Variants in TAX1BP1 observed in about 807,000 individuals in gnomAD.
TAX1BP1 encodes the protein tax1-binding protein 1.
A neutral mutation model predicts 97.7 loss-of-function variants in TAX1BP1; 62 were observed. That is an observed-to-expected ratio of 0.63 (90% CI 0.52 to 0.78). The LOEUF is 0.78. TAX1BP1 is among the 30% of genes least tolerant of loss of function. The pLI is 0.00. For missense variants in TAX1BP1, 867 were observed against 916.1 expected (o/e 0.95, Z 0.69); for synonymous variants, 340 against 304.2 (o/e 1.12, Z -1.23).
chr7:27,803,644 T>C (rs1790226132), intron 13 of TAX1BP1, among the ~76,000 whole-genome samples: 2 of 152,210 alleles, frequency 1.3e-5, no homozygotes, highest in African/African-American at 4.8e-5. Context: ...ACTGCATTAG[T>C]AGTTATTGTA....
intron 13 of TAX1BP1, chr7:27,803,184 T>C (rs1790204001): frequency 3.3e-6 from 5 of 1,533,144 alleles, no homozygotes; most frequent in East Asian, 2.5e-5. Flanking sequence ...GGAGAAGGTA[T>C]TGAGCAATGT....
chr7:27,820,360 G>T (rs1387489477), intron 15 of TAX1BP1, among the ~76,000 whole-genome samples: 1 of 152,034 alleles, frequency 6.6e-6, no homozygotes, highest in Non-Finnish European at 1.5e-5. Flanking sequence ...TTTTTCTGGT[G>T]AGTTCTAGCT....
chr7:27,741,490 C>T (rs1050333048), intron 1 of TAX1BP1, among the ~76,000 whole-genome samples: 6 of 151,428 alleles, frequency 4.0e-5, no homozygotes, highest in Admixed American at 1.3e-4. Flanking sequence ...GTTTTCTAGT[C>T]ATCACGTTCT....
chr7:27,748,618 C>CT lies in TAX1BP1; in HGVS notation c.95dup (p.Glu33GlyfsTer30). ...CAAGAGTTACCTTCCTAATGCACACCTGGAATGTCATTACACCTTAACTCC... is the reference window on the plus strand; with the variant it reads ...CAAGAGTTACCTTCCTAATGCACACCTTGGAATGTCATTACACCTTAACTCC... On this transcript the variant is annotated frameshift_variant, in exon 2 of 17. Coordinates refer to ENST00000396319, the MANE Select transcript of TAX1BP1 (RefSeq NM_006024.7). LOFTEE classifies it high-confidence loss of function. 1 of 1,603,672 alleles carries CT rather than the reference C, an allele frequency of 6.2e-7. No homozygotes were observed. The highest frequency in any genetic ancestry group is 8.5e-7 in the Non-Finnish European group (1 of 1,174,156).
At chr7:27,742,931 C>G (rs555668818) in intron 1 of TAX1BP1, among the ~76,000 whole-genome samples, 1 of 152,260 alleles carries the variant, frequency 6.6e-6, no homozygotes, top group South Asian at 2.1e-4. Flanking sequence ...TAATGATGCT[C>G]CTTGTATACT....
At chr7:27,755,508 G>A (rs981084830) in intron 2 of TAX1BP1, among the ~76,000 whole-genome samples, 3 of 151,992 alleles carry the variant, frequency 2.0e-5, no homozygotes, top group Admixed American at 2.0e-4. Flanking sequence ...AGGTAACTTT[G>A]ATGTTATTCT....
Position 27,765,953 on chromosome 7 carries a change from C to G in TAX1BP1, c.385C>G (p.Leu129Val). 1.2e-6 allele frequency: 2 copies of G among 1,614,156 alleles called. No individual in the cohort carries two copies. Among genetic ancestry groups the G allele is most frequent in the Non-Finnish European group, 1.7e-6 (2 of 1,180,020 alleles). The change falls in exon 4 of 17, where the codon CTG becomes GTG. Residue 129 changes from leucine (L) to valine (V), a missense_variant. Leu to Val is a conservative substitution (Grantham distance 32). This residue lies in a region of TAX1BP1 where 822 missense variants were observed against 851.4 expected (regional missense o/e 0.97). Coordinates refer to ENST00000396319, the MANE Select transcript of TAX1BP1 (RefSeq NM_006024.7). The stretch of plus-strand genomic sequence containing the variant: ...TCGAGCTTCTTCTCCAGTTGAAGAG[C>G]TGCTTACTATGGAAGATGAAGGAAA... ...QFRASSPVEE[L>V]LTMEDEGNSD...
chr7:27,750,452 A>G (rs935824694), intron 2 of TAX1BP1, among the ~76,000 whole-genome samples: 6 of 152,206 alleles, frequency 3.9e-5, no homozygotes, highest in Non-Finnish European at 8.8e-5. Context: ...CATTTCGGAT[A>G]AGGGATACTG....
intron 3 of TAX1BP1, 59 bp downstream of exon 3, chr7:27,758,192 G>A: frequency 7.6e-7 from 1 of 1,312,322 alleles, no homozygotes; most frequent in Non-Finnish European, 1.1e-6. Context: ...CATTAAAGAT[G>A]TTGTACTCCA....
rs758392114 is a variant in TAX1BP1, at chr7:27,792,032, A to G, written c.1065A>G (p.Gln355=). Residue 355 remains glutamine, a synonymous_variant, in exon 9 of 17, where the codon CAA becomes CAG. Coordinates refer to ENST00000396319, the MANE Select transcript of TAX1BP1 (RefSeq NM_006024.7). Reference sequence around the variant, plus strand: ...AAGATACTTGTTTTTTAAAGGAGCAACTTCGTAAAGCAGAGGAACAGGTTC... The same window carrying G: ...AAGATACTTGTTTTTTAAAGGAGCAGCTTCGTAAAGCAGAGGAACAGGTTC... ...SKEDTCFLKE[Q]LRKAEEQVQA... is the part of the protein sequence containing the mutation. 6.2e-7 allele frequency: 1 copy of G among 1,614,102 alleles called. No homozygotes were observed. Among genetic ancestry groups the G allele is most frequent in the Non-Finnish European group, 8.5e-7 (1 of 1,180,020 alleles).
At chr7:27,825,297 T>C (rs1244681471) in intron 15 of TAX1BP1, among the ~76,000 whole-genome samples, 1 of 152,060 alleles carries the variant, frequency 6.6e-6, no homozygotes, top group African/African-American at 2.4e-5. Flanking sequence ...AATTAAAGTA[T>C]TTTTAATCTA....
intron 1 of TAX1BP1, among the ~76,000 whole-genome samples, chr7:27,744,370 C>T (rs1033129521): frequency 6.6e-6 from 1 of 152,178 alleles, no homozygotes; most frequent in Admixed American, 6.5e-5. Flanking sequence ...CGTGATCCGC[C>T]CGCCTCGGCC....
Position 27,785,259 on chromosome 7 carries a change from G to A in TAX1BP1, c.709G>A (p.Asp237Asn), listed in dbSNP as rs756438020. The A allele has an allele frequency of 6.2e-7, 1 of 1,613,370 alleles. No individual in the cohort carries two copies. Among genetic ancestry groups the A allele is most frequent in the East Asian group, 2.2e-5 (1 of 44,790 alleles). Residue 237 changes from aspartate (D) to asparagine (N), a missense_variant, in exon 6 of 17, where the codon GAT becomes AAT. By Grantham distance (23) the Asp-to-Asn change is conservative. Transcript: ENST00000396319. ...ATCCAAAGCCCATCAGCTTGAGGAA[G>A]ATATTGTGTCAGTAACACATAAAGC... ...ATSKAHQLEE[D>N]IVSVTHKAIE...
chr7:27,773,792 G>C (rs1788931647), intron 5 of TAX1BP1, among the ~76,000 whole-genome samples: 2 of 152,044 alleles, frequency 1.3e-5, no homozygotes, highest in African/African-American at 4.8e-5. Flanking sequence ...AATTGAAAGA[G>C]TTAAAACTGA....
intron 5 of TAX1BP1, among the ~76,000 whole-genome samples, chr7:27,774,321 T>G (rs1316048146): frequency 1.3e-5 from 2 of 152,272 alleles, no homozygotes; most frequent in East Asian, 1.9e-4. Context: ...TTTATTCTCA[T>G]TGAAATAAGG....
chr7:27,778,152 TG>T (rs1436378735), intron 5 of TAX1BP1, among the ~76,000 whole-genome samples: 9 of 152,222 alleles, frequency 5.9e-5, no homozygotes, highest in South Asian at 4.1e-4. Flanking sequence ...TCAAAGTAGC[TG>T]GTTCAGAAAC....
intron 13 of TAX1BP1, chr7:27,803,196 GT>G (rs1328364019): frequency 5.3e-6 from 8 of 1,515,986 alleles, no homozygotes; most frequent in Non-Finnish European, 7.1e-6. Context: ...GAGCAATGTA[GT>G]TAAACAAATG....
intron 5 of TAX1BP1, among the ~76,000 whole-genome samples, chr7:27,783,060 TAGGAGTGGGAGGAA>T (rs1789324932): frequency 6.6e-6 from 1 of 152,156 alleles, no homozygotes; most frequent in African/African-American, 2.4e-5. Context: ...TTTTTTAGTT[TAGGAGTGGGAGGAA>T]AGTCCCTGCA....
intron 11 of TAX1BP1, 110 bp from the exon 12 acceptor site, chr7:27,796,006 A>G (rs565008498): frequency 1.4e-6 from 1 of 734,002 alleles, no homozygotes; most frequent in Admixed American, 3.1e-5. Context: ...GTCCTTCAGC[A>G]TTCCATTTAC....
Sources: allele counts gnomAD v4.1 joint callset (sites outside exome capture counted in the v4.1 genomes callset), GRCh38; gene constraint gnomAD v4.1.1; regional missense constraint gnomAD v4.1.1; transcripts MANE v1.5; gene names NCBI Gene and HGNC (gene_info 2026-07-23, HGNC 2026-07-21).